WWOX: variants seen among roughly 807,000 people sequenced by gnomAD.
The protein encoded by WWOX is WW domain-containing oxidoreductase.
A neutral mutation model predicts 46.2 loss-of-function variants in WWOX; 69 were observed. The ratio of observed to expected loss-of-function variants is 1.49; its 90% CI spans 1.23 to 1.82. WWOX has a LOEUF of 1.82. Among genes scored for constraint, WWOX ranks in the 40% most tolerant of loss-of-function variants. The pLI is 0.00. For synonymous variants in WWOX, 359 were observed against 202.6 expected (o/e 1.77, Z -6.56); for missense variants, 919 against 542.6 (o/e 1.69, Z -6.89).
chr16:78,355,575 A>T (rs1374437959), intron 5 of WWOX: 4 of 479,530 alleles, frequency 8.3e-6, no homozygotes, highest in Non-Finnish European at 1.2e-5. Flanking sequence ...ACTGTGGAGG[A>T]TCCCCTGGAT....
At chr16:79,112,271 C>G (rs542355277) in intron 8 of WWOX, among the ~76,000 whole-genome samples, 1 of 152,238 alleles carries the variant, frequency 6.6e-6, no homozygotes, top group South Asian at 2.1e-4. Context: ...GACGGACAGG[C>G]AACAGATCAT....
At position 79,204,007 on chromosome 16, in the gene WWOX, G is replaced by A. The variant is rs561330328; in HGVS notation, c.1057-7601G>A. ...CACGGGCATCAAGGTGGCCCAGTTGGAAAATTTCAGTGACATGCCATCAGA... is the reference window on the plus strand; with the variant it reads ...CACGGGCATCAAGGTGGCCCAGTTGAAAAATTTCAGTGACATGCCATCAGA... On this transcript the variant is annotated intron_variant, in intron 8 of 8. Transcript: ENST00000566780. 2.0e-5 allele frequency: 3 copies of A among 152,252 alleles called. No individual in the cohort carries two copies. The South Asian group carries it at 6.2e-4, about 32-fold the overall frequency. 9.4% of individuals were successfully genotyped at this position (152,252 alleles called of 1,614,324 possible).
chr16:78,985,676 G>A (rs1182205819), intron 8 of WWOX, among the ~76,000 whole-genome samples: 2 of 152,214 alleles, frequency 1.3e-5, no homozygotes. Flanking sequence ...GGCTGAGGCA[G>A]GAGAATTGCT....
intron 8 of WWOX, among the ~76,000 whole-genome samples, chr16:79,193,337 C>G (rs1449282075): frequency 4.6e-5 from 7 of 152,238 alleles, no homozygotes; most frequent in African/African-American, 1.7e-4. Context: ...GATCTCAGCA[C>G]TAAGCCTGGA....
At chr16:78,941,078 C>T (rs1264821364) in intron 8 of WWOX, among the ~76,000 whole-genome samples, 1 of 152,012 alleles carries the variant, frequency 6.6e-6, no homozygotes, top group Non-Finnish European at 1.5e-5. Context: ...TATGATTGGT[C>T]CCTGATTGCC....
chr16:79,174,864 G>A (rs1415648444), intron 8 of WWOX, among the ~76,000 whole-genome samples: 1 of 152,144 alleles, frequency 6.6e-6, no homozygotes, highest in Non-Finnish European at 1.5e-5. Context: ...TTCACTTATT[G>A]AGCCTTTACT....
chr16:78,507,828 C>T (rs558674242), intron 8 of WWOX, among the ~76,000 whole-genome samples: 1 of 152,310 alleles, frequency 6.6e-6, no homozygotes, highest in South Asian at 2.1e-4. Context: ...TCCGAATTCG[C>T]ACCTGTTCAG....
intron 5 of WWOX, among the ~76,000 whole-genome samples, chr16:78,172,174 T>C (rs779511427): frequency 1.1e-4 from 17 of 152,186 alleles, no homozygotes; most frequent in Non-Finnish European, 2.2e-4. Flanking sequence ...CATTTATTTG[T>C]ATGAATACTT....
chr16:78,322,571 G>A (rs554544186), intron 5 of WWOX, among the ~76,000 whole-genome samples: 2 of 152,308 alleles, frequency 1.3e-5, no homozygotes, highest in South Asian at 4.1e-4. Flanking sequence ...TACAGTCAGT[G>A]AGTGTGAGAG....
intron 8 of WWOX, among the ~76,000 whole-genome samples, chr16:78,921,367 G>A (rs1202618635): frequency 6.6e-6 from 1 of 152,198 alleles, no homozygotes; most frequent in African/African-American, 2.4e-5. Context: ...CCTGCTGATG[G>A]AAAGGTGGAC....
chr16:78,999,842 TG>T (rs1383295219), intron 8 of WWOX, among the ~76,000 whole-genome samples: 10 of 152,160 alleles, frequency 6.6e-5, no homozygotes, highest in South Asian at 6.2e-4. Context: ...AATTGGCACT[TG>T]TACCCTTGAA....
chr16:79,045,635 G>A (rs2048050115), intron 8 of WWOX, among the ~76,000 whole-genome samples: 1 of 152,132 alleles, frequency 6.6e-6, no homozygotes, highest in Non-Finnish European at 1.5e-5. Flanking sequence ...CTTGGAGGCA[G>A]AGGCACCTGA....
intron 8 of WWOX, among the ~76,000 whole-genome samples, chr16:78,746,173 G>A (rs536757124): frequency 3.9e-5 from 6 of 152,290 alleles, no homozygotes; most frequent in Non-Finnish European, 4.4e-5. Flanking sequence ...TGTCAAAGCA[G>A]GGTCAGCAGA....
chr16:78,444,531 T>C (rs1268011161), intron 8 of WWOX, among the ~76,000 whole-genome samples: 2 of 142,430 alleles, frequency 1.4e-5, no homozygotes, highest in African/African-American at 5.9e-5. Context: ...GAGGAGCAAT[T>C]CTTTTTTTTT....
intron 8 of WWOX, among the ~76,000 whole-genome samples, chr16:78,869,781 G>C (rs1395186764): frequency 1.3e-5 from 2 of 152,200 alleles, no homozygotes; most frequent in Non-Finnish European, 2.9e-5. Context: ...TAGCCTCTTA[G>C]CAGAGCCAAA....
At chr16:78,725,344 CTTTTTTTTTT>C (rs1220702069) in intron 8 of WWOX, among the ~76,000 whole-genome samples, 1 of 61,874 alleles carries the variant, frequency 1.6e-5, no homozygotes, top group Non-Finnish European at 2.8e-5. Flanking sequence ...CTTTTCTTTT[CTTTTTTTTTT>C]TTTTTTTTTT....
intron 6 of WWOX, among the ~76,000 whole-genome samples, chr16:78,399,147 G>A (rs565901987): frequency 1.3e-5 from 2 of 152,286 alleles, no homozygotes; most frequent in East Asian, 3.9e-4. Flanking sequence ...GTGGCTGGCT[G>A]GCTAGATGGA....
chr16:78,599,758 A>G (rs576242627), intron 8 of WWOX, among the ~76,000 whole-genome samples: 34 of 152,104 alleles, frequency 2.2e-4, no homozygotes, highest in African/African-American at 8.2e-4. Flanking sequence ...TACCCCCGGG[A>G]GACTGGGGGT....
At chr16:78,776,986 T>A (rs2050207227) in intron 8 of WWOX, among the ~76,000 whole-genome samples, 1 of 152,190 alleles carries the variant, frequency 6.6e-6, no homozygotes, top group Non-Finnish European at 1.5e-5. Context: ...AGCCAAACCA[T>A]ACCACTCATG....
Sources: allele counts gnomAD v4.1 joint callset (sites outside exome capture counted in the v4.1 genomes callset), GRCh38; gene constraint gnomAD v4.1.1; transcripts MANE v1.5; gene names NCBI Gene and HGNC (gene_info 2026-07-23, HGNC 2026-07-21).